The following SLC2A13 variants were observed in gnomAD, a reference collection of about 807,000 sequenced individuals.
SLC2A13 encodes solute carrier family 2 member 13.
In SLC2A13, 32 loss-of-function variants were observed where a neutral mutation model predicts 64.4. That is an observed-to-expected ratio of 0.50 (90% CI 0.37 to 0.67). The LOEUF is 0.67. SLC2A13 is among the 30% of genes least tolerant of loss of function. The pLI, the probability that SLC2A13 is intolerant of heterozygous loss-of-function variation, is 0.00. For missense variants in SLC2A13, 743 were observed against 829.2 expected, an observed-to-expected ratio of 0.90 and a Z score of 1.28; for synonymous variants, 338 against 327.1, an observed-to-expected ratio of 1.03 and a Z score of -0.36.
chr12:39,852,098 T>C (rs1943485524), intron 6 of SLC2A13, among the ~76,000 whole-genome samples: 1 of 152,180 alleles, frequency 6.6e-6, no homozygotes, highest in Non-Finnish European at 1.5e-5. Flanking sequence ...AAGGTTAAGA[T>C]GCATAAAGTG....
At chr12:39,822,224 G>A (rs1040361045) in intron 7 of SLC2A13, among the ~76,000 whole-genome samples, 1 of 151,684 alleles carries the variant, frequency 6.6e-6, no homozygotes, top group Non-Finnish European at 1.5e-5. Flanking sequence ...CCAAGATAAC[G>A]TTTCCTGCCC....
intron 4 of SLC2A13, among the ~76,000 whole-genome samples, chr12:39,894,501 A>G (rs1198974966): frequency 7.2e-6 from 1 of 138,742 alleles, no homozygotes; most frequent in Non-Finnish European, 1.6e-5. Context: ...ATTAGCCTTC[A>G]AGTCTGAAAT....
In SLC2A13 at chr12:39,894,554, TG is replaced by T. The variant is rs1345253881; in HGVS notation, c.1035-22594del. ...AATTGATTTAGCTTGCATACTGAAGTGGTTAAACCCAGACTAAAATACAAGA... is the reference window on the plus strand; with the variant it reads ...AATTGATTTAGCTTGCATACTGAAGTGTTAAACCCAGACTAAAATACAAGA... On this transcript the variant is annotated intron_variant, in intron 4 of 9. Transcript: ENST00000280871. Among the ~76,000 whole-genome samples, 23 of 152,334 alleles carry T rather than the reference TG, an allele frequency of 1.5e-4. No individual in the cohort carries two copies. The East Asian group carries it at 3.9e-3, about 26-fold the overall frequency.
chr12:39,903,968 A>G (rs945446321), intron 4 of SLC2A13, among the ~76,000 whole-genome samples: 1 of 152,076 alleles, frequency 6.6e-6, no homozygotes, highest in Non-Finnish European at 1.5e-5. Flanking sequence ...GCTATTTATC[A>G]GATTTCCTGC....
intron 1 of SLC2A13, among the ~76,000 whole-genome samples, chr12:40,104,618 G>A (rs1297664753): frequency 1.3e-5 from 2 of 152,154 alleles, no homozygotes; most frequent in African/African-American, 4.8e-5. Flanking sequence ...GAAAAACAGA[G>A]GAGAATGGAA....
At chr12:39,959,088 G>GA (rs1223515413) in intron 3 of SLC2A13, among the ~76,000 whole-genome samples, 1 of 152,190 alleles carries the variant, frequency 6.6e-6, no homozygotes, top group African/African-American at 2.4e-5. Flanking sequence ...CAAGTATGGG[G>GA]ATTGAGAACT....
At chr12:39,800,421 A>G (rs1240484383) in intron 7 of SLC2A13, among the ~76,000 whole-genome samples, 2 of 149,570 alleles carry the variant, frequency 1.3e-5, no homozygotes, top group East Asian at 3.9e-4. Flanking sequence ...CAACCCCATC[A>G]AAAAGTGGGC....
chr12:39,831,196 A>C (rs771158533), intron 6 of SLC2A13, among the ~76,000 whole-genome samples: 6 of 152,210 alleles, frequency 3.9e-5, no homozygotes, highest in Non-Finnish European at 8.8e-5. Flanking sequence ...ATGAACAACG[A>C]CAATGTAATG....
At chr12:39,957,144 T>C (rs1376794051) in intron 3 of SLC2A13, among the ~76,000 whole-genome samples, 1 of 152,122 alleles carries the variant, frequency 6.6e-6, no homozygotes. Context: ...TTATGAACAA[T>C]TTCCTATCAT....
intron 1 of SLC2A13, among the ~76,000 whole-genome samples, chr12:40,083,590 G>A (rs902558456): frequency 3.9e-5 from 6 of 152,142 alleles, no homozygotes; most frequent in African/African-American, 1.4e-4. Flanking sequence ...CCTCAAGGCA[G>A]GGCAAGGAGA....
chr12:39,866,776 G>A (rs1458035522), intron 5 of SLC2A13, among the ~76,000 whole-genome samples: 1 of 152,168 alleles, frequency 6.6e-6, no homozygotes, highest in Non-Finnish European at 1.5e-5. Flanking sequence ...ACAGCGCCCG[G>A]CCGAAAGATG....
chr12:39,762,927 C>CA (rs5797633), intron 9 of SLC2A13, among the ~76,000 whole-genome samples: 148,466 of 152,140 alleles, frequency 0.98, 72,444 homozygotes, highest in East Asian at 1. Flanking sequence ...TCATTTTTCT[C>CA]TGGTTTTCTG....
chr12:39,791,046 T>C (rs1359346872), intron 7 of SLC2A13, among the ~76,000 whole-genome samples: 24 of 127,718 alleles, frequency 1.9e-4, no homozygotes, highest in Admixed American at 3.3e-4. Context: ...TCATGTCCTT[T>C]GCCCACTTTT....
intron 2 of SLC2A13, among the ~76,000 whole-genome samples, chr12:40,035,557 A>C (rs1947970644): frequency 6.6e-6 from 1 of 152,206 alleles, no homozygotes; most frequent in Non-Finnish European, 1.5e-5. Context: ...GAATAAACAT[A>C]AGACCATGGC....
intron 3 of SLC2A13, among the ~76,000 whole-genome samples, chr12:39,984,682 A>G (rs979837307): frequency 2.6e-5 from 4 of 152,200 alleles, no homozygotes; most frequent in African/African-American, 9.6e-5. Flanking sequence ...TTCTTTGATG[A>G]TGTTACTTAA....
At chr12:39,769,113 C>A (rs745869608) in intron 7 of SLC2A13, among the ~76,000 whole-genome samples, 11 of 152,002 alleles carry the variant, frequency 7.2e-5, no homozygotes, top group Non-Finnish European at 1.5e-4. Flanking sequence ...AAAGTTCATG[C>A]CATTTTATCT....
At chr12:40,004,689 A>G (rs979057697) in intron 3 of SLC2A13, among the ~76,000 whole-genome samples, 5 of 151,462 alleles carry the variant, frequency 3.3e-5, no homozygotes, top group African/African-American at 4.9e-5. Flanking sequence ...TCAAGATGGC[A>G]CCTTAAACAC....
chr12:39,911,321 T>G (rs1175030535), intron 4 of SLC2A13, among the ~76,000 whole-genome samples: 1 of 152,134 alleles, frequency 6.6e-6, no homozygotes, highest in Non-Finnish European at 1.5e-5. Flanking sequence ...ACCACCAATG[T>G]CTTTTTCACT....
At chr12:40,007,272 G>C in intron 3 of SLC2A13, among the ~76,000 whole-genome samples, 1 of 152,102 alleles carries the variant, frequency 6.6e-6, no homozygotes, top group Non-Finnish European at 1.5e-5. Context: ...TAGGTTATTT[G>C]TCATATTTTC....
Sources: allele counts gnomAD v4.1 joint callset (sites outside exome capture counted in the v4.1 genomes callset), GRCh38; gene constraint gnomAD v4.1.1; transcripts MANE v1.5; gene names NCBI Gene and HGNC (gene_info 2026-07-23, HGNC 2026-07-21).